Variants in ASXL1 observed in about 807,000 individuals in gnomAD.
ASXL1 encodes polycomb group protein ASXL1.
A neutral mutation model predicts 89.1 loss-of-function variants in ASXL1; 65 were observed. The observed-to-expected ratio is 0.73, with a 90% CI of 0.60 to 0.90. ASXL1 has a LOEUF of 0.90. Ranked by LOEUF, ASXL1 falls within the 40% of genes least tolerant of loss-of-function variation. The pLI is 0.00. For synonymous variants in ASXL1, 739 were observed against 746.9 expected (o/e 0.99, Z 0.17); for missense variants, 1,786 against 1,942.9 (o/e 0.92, Z 1.52).
rs1600525633 is a variant in ASXL1, at chr20:32,399,745, C to CTATTTTTTTTT, written c.253-28382_253-28381insATTTTTTTTTT. Among the ~76,000 whole-genome samples, 14 of 66,598 alleles carry CTATTTTTTTTT rather than the reference C, an allele frequency of 2.1e-4. 4 individuals carry two copies. The East Asian group carries it at 2.3e-3, about 11-fold the overall frequency. 43.7% of individuals were successfully genotyped at this position (66,598 alleles called of 152,430 possible). On this transcript the variant is annotated intron_variant, in intron 4 of 12. Transcript: ENST00000375687. ...ATTTTTAAAAATCTCACATATTTTA[C>CTATTTTTTTTT]TCTTTTTTTTTTTTTTTTTTTTTTT... is the stretch of plus-strand genomic sequence containing the variant.
At chr20:32,424,938 C>G (rs1323253494) in intron 4 of ASXL1, among the ~76,000 whole-genome samples, 1 of 152,154 alleles carries the variant, frequency 6.6e-6, no homozygotes, top group East Asian at 1.9e-4. Flanking sequence ...GGCGCACCTC[C>G]CCTACCCCCC....
Position 32,358,802 on chromosome 20 carries a change from G to A in ASXL1, c.27G>A (p.Lys9=). MKDKQKKK[K]ERTWAEAARL... is the part of the protein sequence containing the mutation. ...TGAAGGACAAACAGAAGAAGAAGAA[G>A]GAGCGCACGTGGGCCGAGGCCGCGC... Residue 9 remains lysine, a synonymous_variant, in exon 1 of 13, where the codon AAG becomes AAA. Coordinates refer to ENST00000375687, the MANE Select transcript of ASXL1 (RefSeq NM_015338.6). 6.6e-7 allele frequency: 1 copy of A among 1,507,176 alleles called. No individual in the cohort carries two copies. The highest frequency in any genetic ancestry group is 2.1e-5 in the Admixed American group (1 of 47,552). The allele number at this position is 1,507,176 out of a possible 1,614,324, so 93.4% of individuals were successfully genotyped here. A position where few individuals can be genotyped will look rare whatever the true frequency, so the allele number is the denominator to read the frequency against.
chr20:32,403,279 G>A (rs1044537606), intron 4 of ASXL1, among the ~76,000 whole-genome samples: 1 of 152,138 alleles, frequency 6.6e-6, no homozygotes, highest in Non-Finnish European at 1.5e-5. Flanking sequence ...TGTCAATACC[G>A]TACTGTCTTG....
intron 4 of ASXL1, among the ~76,000 whole-genome samples, chr20:32,420,156 G>A (rs1174418218): frequency 6.6e-6 from 1 of 151,624 alleles, no homozygotes; most frequent in Non-Finnish European, 1.5e-5. Context: ...ATTATGACAT[G>A]CTTTTCTAAT....
At chr20:32,379,269 C>T (rs915610653) in intron 4 of ASXL1, among the ~76,000 whole-genome samples, 5 of 140,642 alleles carry the variant, frequency 3.6e-5, no homozygotes, top group Non-Finnish European at 6.1e-5. Context: ...ATTGCAACCT[C>T]CACCTTCTAG....
chr20:32,437,913 C>T lies in ASXL1; in HGVS notation c.*575C>T, dbSNP rs778450607. On this transcript the variant is annotated 3_prime_UTR_variant, in exon 13 of 13. Transcript: ENST00000375687. ...AGCAAGTTTGACCTTGGTTCTGTTG[C>T]TGAAGCAAATTTGGAACTTTTCTGT... 2 of 239,344 alleles carry T rather than the reference C, an allele frequency of 8.4e-6. No homozygotes were observed. The highest frequency in any genetic ancestry group is 4.4e-5 in the African/African-American group (2 of 45,366). 14.8% of individuals were successfully genotyped at this position (239,344 alleles called of 1,614,324 possible).
At chr20:32,390,293 T>C (rs1380053598) in intron 4 of ASXL1, among the ~76,000 whole-genome samples, 1 of 152,210 alleles carries the variant, frequency 6.6e-6, no homozygotes, top group Non-Finnish European at 1.5e-5. Context: ...CTTCAATGCA[T>C]ATCACTTTCA....
chr20:32,394,106 G>A (rs1346897654), intron 4 of ASXL1, among the ~76,000 whole-genome samples: 4 of 149,908 alleles, frequency 2.7e-5, no homozygotes, highest in African/African-American at 4.9e-5. Context: ...GGGTTCAAGC[G>A]ATACTCCTGC....
chr20:32,362,681 G>T (rs570071729), intron 1 of ASXL1, among the ~76,000 whole-genome samples: 39 of 152,244 alleles, frequency 2.6e-4, no homozygotes, highest in African/African-American at 8.9e-4. Context: ...AAAACCTTTC[G>T]TAGAGGAAAG....
At chr20:32,393,740 G>A (rs573295025) in intron 4 of ASXL1, among the ~76,000 whole-genome samples, 2 of 152,150 alleles carry the variant, frequency 1.3e-5, no homozygotes, top group South Asian at 4.1e-4. Context: ...AAAGTGCTGG[G>A]ATTACAGGTG....
At chr20:32,378,457 A>C (rs923511787) in intron 4 of ASXL1, among the ~76,000 whole-genome samples, 5 of 152,150 alleles carry the variant, frequency 3.3e-5, no homozygotes, top group African/African-American at 1.2e-4. Flanking sequence ...CAGCCTGTAC[A>C]TTTGACAGTT....
At chr20:32,406,338 A>G (rs1169321963) in intron 4 of ASXL1, among the ~76,000 whole-genome samples, 1 of 151,950 alleles carries the variant, frequency 6.6e-6, no homozygotes, top group East Asian at 1.9e-4. Context: ...GCTTGAACAC[A>G]GGCGTTCTAG....
chr20:32,365,899 T>G (rs1433483069), intron 1 of ASXL1, among the ~76,000 whole-genome samples: 1 of 152,042 alleles, frequency 6.6e-6, no homozygotes, highest in African/African-American at 2.4e-5. Context: ...TCCCAGCACT[T>G]TAGGAGGCTG....
At chr20:32,395,545 T>C (rs1438228302) in intron 4 of ASXL1, among the ~76,000 whole-genome samples, 2 of 152,196 alleles carry the variant, frequency 1.3e-5, no homozygotes, top group African/African-American at 4.8e-5. Context: ...TGGATGAAAT[T>C]TACGTATTCA....
Position 32,435,992 on chromosome 20 carries a change from C to G in ASXL1, c.3280C>G (p.Leu1094Val), listed in dbSNP as rs773004587. The change falls in exon 13 of 13, where the codon CTG (leucine) becomes GTG (valine). Residue 1094 changes from leucine (L) to valine (V), a missense_variant. Leu to Val is a conservative substitution (Grantham distance 32). Around this residue, in one of 3 missense-constraint regions of ASXL1, gnomAD observed 1,418 missense variants for 1,427.8 expected, o/e 0.99. Coordinates refer to ENST00000375687, the MANE Select transcript of ASXL1 (RefSeq NM_015338.6). The stretch of plus-strand genomic sequence containing the variant: ...TGAGTACCAGCCAAGAGCCGTGTGC[C>G]TGTCCATGCCTGGGTCCTCAGTGGA... ...STEYQPRAVCLSMPGSSVEAT... is the reference protein window; with the variant it reads ...STEYQPRAVCVSMPGSSVEAT... 1.4e-5 allele frequency: 22 copies of G among 1,614,154 alleles called. No individual in the cohort carries two copies. Among genetic ancestry groups the G allele is most frequent in the Non-Finnish European group, 1.9e-5 (22 of 1,180,036 alleles).
chr20:32,426,541 C>CTTTT lies in ASXL1; in HGVS notation c.253-1582_253-1579dup, dbSNP rs1014372390. On this transcript the variant is annotated intron_variant, in intron 4 of 12. Transcript: ENST00000375687. ...AGGTAAAGATGTAGAAAACTGTTTTCTTTTTTTTCTTTCTTTTTTTTTTTT... is the reference window on the plus strand; with the variant it reads ...AGGTAAAGATGTAGAAAACTGTTTTCTTTTTTTTTTTTCTTTCTTTTTTTTTTTT... Among the ~76,000 whole-genome samples the CTTTT allele has an allele frequency of 6.2e-3, 572 of 92,390 alleles. 72 individuals are homozygous for CTTTT. The highest frequency in any genetic ancestry group is 0.015 in the East Asian group (28 of 1,868). The allele number at this position is 92,390 out of a possible 152,430, so 60.6% of individuals were successfully genotyped here.
At chr20:32,420,886 G>A (rs1173083574) in intron 4 of ASXL1, among the ~76,000 whole-genome samples, 1 of 152,100 alleles carries the variant, frequency 6.6e-6, no homozygotes, top group African/African-American at 2.4e-5. Context: ...TGCTCATGCA[G>A]CCATAAAAAA....
chr20:32,394,750 G>A (rs984839833), intron 4 of ASXL1, among the ~76,000 whole-genome samples: 13 of 151,692 alleles, frequency 8.6e-5, no homozygotes, highest in Non-Finnish European at 1.0e-4. Context: ...GTCTCACTCG[G>A]TTGCCCAGGC....
intron 4 of ASXL1, among the ~76,000 whole-genome samples, chr20:32,412,265 A>G (rs372875964): frequency 2.0e-5 from 3 of 152,232 alleles, no homozygotes; most frequent in Non-Finnish European, 2.9e-5. Context: ...CCTGGCTTCT[A>G]TTATGTACTT....
Sources: gnomAD v4.1 joint callset for allele counts (sites outside exome capture counted in the v4.1 genomes callset) on GRCh38, gnomAD v4.1.1 for gene constraint, gnomAD v4.1.1 regional missense constraint, MANE v1.5 for transcripts, NCBI Gene and HGNC (gene_info 2026-07-23, HGNC 2026-07-21) for gene names.